ATRNL1: variants seen among roughly 807,000 people sequenced by gnomAD.
ATRNL1 encodes attractin-like protein 1.
In ATRNL1, 95 loss-of-function variants were observed where a neutral mutation model predicts 182.7. The ratio of observed to expected loss-of-function variants is 0.52; its 90% CI spans 0.44 to 0.62. ATRNL1 has a LOEUF of 0.62. Among genes scored for constraint, ATRNL1 ranks in the 20% least tolerant of loss-of-function variants. The probability of loss-of-function intolerance (pLI) is 0.00; values close to 1 mark genes in which losing one functional copy is unlikely to be tolerated. For missense variants in ATRNL1, 1,471 were observed against 1,679.5 expected (o/e 0.88, Z 2.17); for synonymous variants, 576 against 568.3 (o/e 1.01, Z -0.19).
chr10:115,386,471 A>G (rs1309866293), intron 19 of ATRNL1, among the ~76,000 whole-genome samples: 1 of 151,712 alleles, frequency 6.6e-6, no homozygotes, highest in African/African-American at 2.4e-5. Context: ...CTGCTTACAG[A>G]CTCCCCACTG....
chr10:115,301,175 C>G (rs1393538547), intron 16 of ATRNL1, among the ~76,000 whole-genome samples: 1 of 152,066 alleles, frequency 6.6e-6, no homozygotes, highest in African/African-American at 2.4e-5. Flanking sequence ...TACCTTTTTG[C>G]TATTGTGAGT....
chr10:115,554,795 T>C (rs73373400), intron 26 of ATRNL1, among the ~76,000 whole-genome samples: 1,938 of 151,690 alleles, frequency 0.013, 32 homozygotes, highest in African/African-American at 0.044. Context: ...AAAAAACCCC[T>C]AAACAAAAAA....
At chr10:115,553,485 A>T (rs982866954) in intron 26 of ATRNL1, among the ~76,000 whole-genome samples, 5 of 151,454 alleles carry the variant, frequency 3.3e-5, no homozygotes, top group Admixed American at 6.6e-5. Flanking sequence ...CTCACATATT[A>T]CACTTCTCTT....
At chr10:115,158,112 C>T (rs1846608577) in intron 5 of ATRNL1, among the ~76,000 whole-genome samples, 1 of 151,964 alleles carries the variant, frequency 6.6e-6, no homozygotes, top group Non-Finnish European at 1.5e-5. Context: ...CCCAGATTCA[C>T]CTATTAACAT....
chr10:115,528,073 T>TTCTCACCTTCCTTC (rs1565133603), intron 25 of ATRNL1, among the ~76,000 whole-genome samples: 2 of 24,114 alleles, frequency 8.3e-5, no homozygotes, highest in African/African-American at 1.9e-4. Context: ...TTCCTTCCTT[T>TTCTCACCTTCCTTC]CCCTTCTCAT....
At chr10:115,917,473 A>G (rs1272628603) in intron 28 of ATRNL1, among the ~76,000 whole-genome samples, 6 of 11,384 alleles carry the variant, frequency 5.3e-4, no homozygotes. Flanking sequence ...CTGTCTCAAA[A>G]AAAAAAAAAA....
chr10:115,320,535 A>G (rs141163465), intron 18 of ATRNL1, among the ~76,000 whole-genome samples: 1 of 152,170 alleles, frequency 6.6e-6, no homozygotes, highest in African/African-American at 2.4e-5. Context: ...ACTCCAATCA[A>G]TTGCAAGTTT....
intron 28 of ATRNL1, among the ~76,000 whole-genome samples, chr10:115,860,296 A>G (rs10885821): frequency 0.16 from 24,199 of 152,154 alleles, 2,358 homozygotes; most frequent in South Asian, 0.28. Context: ...ATTCAGTTCC[A>G]TTTATTCAAC....
intron 26 of ATRNL1, among the ~76,000 whole-genome samples, chr10:115,714,875 T>G (rs1235677687): frequency 1.3e-5 from 2 of 152,184 alleles, no homozygotes; most frequent in Non-Finnish European, 2.9e-5. Context: ...ATATATTTGG[T>G]GAAAGTTAAA....
intron 24 of ATRNL1, among the ~76,000 whole-genome samples, chr10:115,481,885 G>A (rs1848786430): frequency 6.6e-6 from 1 of 150,690 alleles, no homozygotes; most frequent in Admixed American, 6.6e-5. Flanking sequence ...ATTACCTCTT[G>A]GGGTTTGTTA....
chr10:115,352,874 G>A (rs1240011267), intron 19 of ATRNL1, among the ~76,000 whole-genome samples: 1 of 152,150 alleles, frequency 6.6e-6, no homozygotes, highest in Non-Finnish European at 1.5e-5. Flanking sequence ...TTGCACTCCA[G>A]CCTGGGCAAC....
intron 19 of ATRNL1, among the ~76,000 whole-genome samples, chr10:115,357,016 T>G (rs1002607514): frequency 5.3e-5 from 8 of 151,930 alleles, no homozygotes; most frequent in Non-Finnish European, 1.0e-4. Context: ...ATATTTCTCT[T>G]TAATTTTATT....
intron 26 of ATRNL1, among the ~76,000 whole-genome samples, chr10:115,699,528 A>T (rs1296715138): frequency 9.2e-5 from 14 of 152,182 alleles, no homozygotes; most frequent in Admixed American, 9.2e-4. Context: ...TGTCACTGCA[A>T]ATTATTGGGA....
At chr10:115,814,495 T>A (rs1409363955) in intron 27 of ATRNL1, among the ~76,000 whole-genome samples, 4 of 152,130 alleles carry the variant, frequency 2.6e-5, no homozygotes, top group Non-Finnish European at 4.4e-5. Flanking sequence ...GAAAATAAAT[T>A]TTTGAAAGTA....
intron 24 of ATRNL1, among the ~76,000 whole-genome samples, chr10:115,490,364 A>G (rs1185582014): frequency 6.6e-6 from 1 of 151,994 alleles, no homozygotes; most frequent in Non-Finnish European, 1.5e-5. Context: ...TGCTATACCA[A>G]TCAAATGTAG....
chr10:115,634,703 A>G (rs1323256959), intron 26 of ATRNL1, among the ~76,000 whole-genome samples: 1 of 152,118 alleles, frequency 6.6e-6, no homozygotes, highest in African/African-American at 2.4e-5. Flanking sequence ...TATTTATATG[A>G]TTTTTTACTG....
chr10:115,634,068 G>A (rs1555027275), intron 26 of ATRNL1, among the ~76,000 whole-genome samples: 1 of 151,984 alleles, frequency 6.6e-6, no homozygotes, highest in Admixed American at 6.6e-5. Flanking sequence ...AGTGTTATAT[G>A]TAACATCTTG....
chr10:115,455,398 T>C (rs1472492143), intron 21 of ATRNL1, among the ~76,000 whole-genome samples: 1 of 152,132 alleles, frequency 6.6e-6, no homozygotes, highest in Non-Finnish European at 1.5e-5. Flanking sequence ...GGATTCCCTA[T>C]GTAATAAATG....
At chr10:115,197,131 A>C (rs929389957) in intron 8 of ATRNL1, among the ~76,000 whole-genome samples, 10 of 152,044 alleles carry the variant, frequency 6.6e-5, no homozygotes, top group African/African-American at 2.4e-4. Flanking sequence ...CTTTTGAGAA[A>C]AACTTTTGTT....
Sources: gnomAD v4.1 joint callset for allele counts (sites outside exome capture counted in the v4.1 genomes callset) on GRCh38, gnomAD v4.1.1 for gene constraint, MANE v1.5 for transcripts, NCBI Gene and HGNC (gene_info 2026-07-23, HGNC 2026-07-21) for gene names.